Variants in TBC1D22B observed in about 807,000 individuals in gnomAD.
TBC1D22B encodes chromosome 6 open reading frame 197.
Under a neutral mutation model 69.1 loss-of-function variants are expected in TBC1D22B, and 32 were observed. The observed-to-expected ratio is 0.46, with a 90% CI of 0.35 to 0.62. The LOEUF is 0.62. Ranked by LOEUF, TBC1D22B falls within the 20% of genes least tolerant of loss-of-function variation. The pLI is 0.00. For synonymous variants in TBC1D22B, 206 were observed against 229.8 expected, an observed-to-expected ratio of 0.90 and a Z score of 0.94; for missense variants, 462 against 630.9, an observed-to-expected ratio of 0.73 and a Z score of 2.87.
chr6:37,291,405 C>T (rs745325684), intron 8 of TBC1D22B, 48 bp downstream of exon 8: 19 of 1,328,134 alleles, frequency 1.4e-5, no homozygotes, highest in Non-Finnish European at 2.0e-5. Flanking sequence ...TCTTTCTTAT[C>T]TGCCGTCTGT....
intron 8 of TBC1D22B, among the ~76,000 whole-genome samples, chr6:37,308,057 T>C (rs759346837): frequency 6.6e-5 from 10 of 152,228 alleles, no homozygotes; most frequent in Non-Finnish European, 1.5e-4. Flanking sequence ...AGTTAATAAA[T>C]GGGCATGTTC....
intron 8 of TBC1D22B, among the ~76,000 whole-genome samples, chr6:37,299,666 T>G (rs1320751235): frequency 6.6e-6 from 1 of 152,172 alleles, no homozygotes; most frequent in African/African-American, 2.4e-5. Context: ...CTTTAGGGTT[T>G]TTGGATTTGG....
In TBC1D22B at chr6:37,284,382, G is replaced by A. The variant is rs1452658601; in HGVS notation, c.719G>A (p.Arg240Gln). The change falls in exon 6 of 13, where the codon CGG becomes CAG. Residue 240 changes from arginine (R) to glutamine (Q), a missense_variant. Physicochemically the swap from Arg to Gln is conservative, Grantham distance 43 (BLOSUM62 1). This residue lies in a region of TBC1D22B where 225 missense variants were observed against 375.4 expected (regional missense o/e 0.60). Transcript: ENST00000373491. ...NTERRKLTLQ[R>Q]KREEYFGFIE... ...GAGAGGAGGAAGTTGACCCTGCAGC[G>A]GAAGCGGGAGGAATATTTTGGCTTC... 5.0e-6 allele frequency: 8 copies of A among 1,613,318 alleles called. No individual in the cohort carries two copies. The highest frequency in any genetic ancestry group is 2.2e-5 in the East Asian group (1 of 44,884).
At chr6:37,316,668 C>T (rs1320565815) in intron 10 of TBC1D22B, 35 bp from the exon 11 acceptor site, 2 of 1,613,758 alleles carry the variant, frequency 1.2e-6, no homozygotes, top group Non-Finnish European at 1.7e-6. Context: ...GGTCCAGTCC[C>T]CTAGGTTGAT....
In TBC1D22B at chr6:37,296,801, C is replaced by T. The variant is rs541733661; in HGVS notation, c.982+5444C>T. Among the ~76,000 whole-genome samples the T allele has an allele frequency of 1.1e-4, 17 of 150,586 alleles. No individual in the cohort carries two copies. The East Asian group carries it at 1.4e-3, about 12-fold the overall frequency. On this transcript the variant is annotated intron_variant, in intron 8 of 12. Transcript: ENST00000373491. ...ATGTATACACACACACATACACACACGTGCACACACATATATATATATTAT... is the reference window on the plus strand; with the variant it reads ...ATGTATACACACACACATACACACATGTGCACACACATATATATATATTAT...
rs770161267 is a variant in TBC1D22B, at chr6:37,282,242, T to A, written c.479T>A (p.Ile160Asn). 8.7e-6 allele frequency: 14 copies of A among 1,614,046 alleles called. No homozygotes were observed. The change falls in exon 4 of 13, where the codon ATC becomes AAC. Residue 160 changes from isoleucine to asparagine, a missense_variant. This residue lies in a region of TBC1D22B where 237 missense variants were observed against 255.4 expected (regional missense o/e 0.93). Coordinates refer to ENST00000373491, the MANE Select transcript of TBC1D22B (RefSeq NM_017772.4). ...HKQQSLPLRPIIPLVARISDQ... is the reference protein window; with the variant it reads ...HKQQSLPLRPNIPLVARISDQ... The stretch of plus-strand genomic sequence containing the variant: ...CAGCAATCACTCCCTCTCCGGCCCA[T>A]CATCCCCCTCGTTGCCCGGATCTCG...
At chr6:37,328,718 T>TG (rs201093604) in intron 12 of TBC1D22B, among the ~76,000 whole-genome samples, 9 of 152,136 alleles carry the variant, frequency 5.9e-5, no homozygotes, top group African/African-American at 1.9e-4. Context: ...ATTTATTTTC[T>TG]GTTTTTTTTT....
At chr6:37,319,167 T>C (rs1448584353) in intron 12 of TBC1D22B, among the ~76,000 whole-genome samples, 1 of 152,190 alleles carries the variant, frequency 6.6e-6, no homozygotes, top group African/African-American at 2.4e-5. Flanking sequence ...TGCATTGACT[T>C]CTGTGAGTAG....
At chr6:37,292,796 T>C (rs1233190426) in intron 8 of TBC1D22B, among the ~76,000 whole-genome samples, 1 of 152,220 alleles carries the variant, frequency 6.6e-6, no homozygotes, top group Admixed American at 6.5e-5. Flanking sequence ...GTTCCAAGCA[T>C]GTCTTCACTT....
At chr6:37,315,020 C>A (rs1365678215) in intron 10 of TBC1D22B, among the ~76,000 whole-genome samples, 4 of 152,172 alleles carry the variant, frequency 2.6e-5, no homozygotes. Flanking sequence ...GGTCTCTTGA[C>A]ATCCCTCAAC....
chr6:37,291,001 A>G (rs1270053888), intron 7 of TBC1D22B, among the ~76,000 whole-genome samples: 5 of 152,186 alleles, frequency 3.3e-5, no homozygotes, highest in African/African-American at 9.7e-5. Flanking sequence ...TCCCAATTTT[A>G]TATTGTGGTG....
intron 2 of TBC1D22B, among the ~76,000 whole-genome samples, chr6:37,270,123 C>T (rs1766437556): frequency 6.6e-6 from 1 of 152,174 alleles, no homozygotes; most frequent in Non-Finnish European, 1.5e-5. Context: ...CTTTGACACA[C>T]TCAAAGAGAC....
At chr6:37,286,583 G>A (rs980834866) in intron 6 of TBC1D22B, among the ~76,000 whole-genome samples, 4 of 151,756 alleles carry the variant, frequency 2.6e-5, no homozygotes, top group Middle Eastern at 3.4e-3. Context: ...CCAAAGTGCT[G>A]GGATTACAGG....
rs138786973 is a variant in TBC1D22B, at chr6:37,309,791, A to G, written c.983-3127A>G. 2.0e-3 allele frequency among the ~76,000 whole-genome samples: 310 copies of G among 152,256 alleles called. 1 individual carries two copies. The highest frequency in any genetic ancestry group is 3.0e-3 in the Non-Finnish European group (201 of 68,028). ...TATATCCATCCCTGAGGAAATGGAT[A>G]AAGTGTGATGGAGGCGCACCATGCA... On this transcript the variant is annotated intron_variant, in intron 8 of 12. Coordinates refer to ENST00000373491, the MANE Select transcript of TBC1D22B (RefSeq NM_017772.4).
intron 12 of TBC1D22B, chr6:37,324,247 G>A (rs775334571): frequency 4.4e-6 from 2 of 455,712 alleles, no homozygotes; most frequent in South Asian, 3.1e-5. Flanking sequence ...TACATCCTGT[G>A]TTTGGTTGTG....
At chr6:37,269,566 T>C (rs1167623216) in intron 1 of TBC1D22B, 28 bp from the exon 2 acceptor site, 2 of 1,612,934 alleles carry the variant, frequency 1.2e-6, no homozygotes, top group African/African-American at 2.7e-5. Context: ...CTAAACTAAC[T>C]ATTTCTTCCT....
Position 37,317,160 on chromosome 6 carries a change from T to C in TBC1D22B, c.1343T>C (p.Phe448Ser). The change falls in exon 12 of 13, where the codon TTC becomes TCC. Residue 448 changes from phenylalanine (F) to serine (S), a missense_variant. Phe to Ser is a radical substitution (Grantham distance 155, BLOSUM62 -2). This residue lies in a region of TBC1D22B where 225 missense variants were observed against 375.4 expected (regional missense o/e 0.60). Transcript: ENST00000373491. ...TTTCATCTCTACGTGTGTGCAGCCT[T>C]CTTGATCAAGTGGAGGAAAGAGATC... ...SHFHLYVCAA[F>S]LIKWRKEILD... The C allele has an allele frequency of 6.3e-7, 1 of 1,579,510 alleles. No homozygotes were observed. The highest frequency in any genetic ancestry group is 8.6e-7 in the Non-Finnish European group (1 of 1,160,362).
At position 37,293,109 on chromosome 6, in the gene TBC1D22B, G is replaced by T. The variant is rs939515441; in HGVS notation, c.982+1752G>T. ...ATTTTTTTTTTTGAGACAGAGTCTCGCTCTGTCGCCCAGGCTGGAGTGCAG... is the reference window on the plus strand; with the variant it reads ...ATTTTTTTTTTTGAGACAGAGTCTCTCTCTGTCGCCCAGGCTGGAGTGCAG... On this transcript the variant is annotated intron_variant, in intron 8 of 12. Transcript: ENST00000373491. Among the ~76,000 whole-genome samples the T allele has an allele frequency of 6.7e-5, 10 of 148,834 alleles. No homozygotes were observed. The South Asian group carries it at 1.5e-3, about 22-fold the overall frequency.
chr6:37,278,506 A>G (rs1766730902), intron 2 of TBC1D22B, among the ~76,000 whole-genome samples: 1 of 152,112 alleles, frequency 6.6e-6, no homozygotes, highest in Non-Finnish European at 1.5e-5. Context: ...TGCTCATGCT[A>G]CATGTCTAAA....
Sources: allele counts gnomAD v4.1 joint callset (sites outside exome capture counted in the v4.1 genomes callset), GRCh38; gene constraint gnomAD v4.1.1; regional missense constraint gnomAD v4.1.1; transcripts MANE v1.5; gene names NCBI Gene and HGNC (gene_info 2026-07-23, HGNC 2026-07-21).